AHI1: variants seen among roughly 807,000 people sequenced by gnomAD.
AHI1 encodes the protein Abelson helper integration site 1.
A neutral mutation model predicts 149.3 loss-of-function variants in AHI1; 123 were observed. The ratio of observed to expected loss-of-function variants is 0.82; its 90% CI spans 0.71 to 0.96. The LOEUF is 0.96. AHI1 is among the 40% of genes least tolerant of loss of function. The pLI, the probability that AHI1 is intolerant of heterozygous loss-of-function variation, is 0.00. For synonymous variants in AHI1, 475 were observed against 459.8 expected, an observed-to-expected ratio of 1.03 and a Z score of -0.42; for missense variants, 1,439 against 1,422.7, an observed-to-expected ratio of 1.01 and a Z score of -0.18.
At chr6:135,426,082 C>T (rs1444131580) in intron 20 of AHI1, among the ~76,000 whole-genome samples, 2 of 151,752 alleles carry the variant, frequency 1.3e-5, no homozygotes, top group African/African-American at 4.8e-5. Flanking sequence ...AAAGAGAGAA[C>T]TGTTTCAGGA....
intron 23 of AHI1, among the ~76,000 whole-genome samples, chr6:135,389,574 T>C (rs1778163698): frequency 6.6e-6 from 1 of 152,168 alleles, no homozygotes; most frequent in Non-Finnish European, 1.5e-5. Context: ...TATTCATAGT[T>C]TTAAAAAATC....
intron 27 of AHI1, among the ~76,000 whole-genome samples, chr6:135,295,062 G>T (rs1782915670): frequency 6.6e-6 from 1 of 152,118 alleles, no homozygotes; most frequent in Non-Finnish European, 1.5e-5. Context: ...ATATATAAAT[G>T]ACTCTTAAAA....
At chr6:135,318,371 T>C in intron 26 of AHI1, 148 bp downstream of exon 26, 1 of 643,894 alleles carries the variant, frequency 1.6e-6, no homozygotes. Context: ...AACGTTTGCC[T>C]TATGTATTTC....
chr6:135,392,683 AT>A (rs1778680179), intron 23 of AHI1, among the ~76,000 whole-genome samples: 1 of 152,226 alleles, frequency 6.6e-6, no homozygotes, highest in East Asian at 1.9e-4. Flanking sequence ...ACACTTAATT[AT>A]TTATCCACTT....
intron 23 of AHI1, among the ~76,000 whole-genome samples, chr6:135,382,811 G>A (rs1692814736): frequency 1.4e-5 from 2 of 144,582 alleles, no homozygotes; most frequent in Non-Finnish European, 1.5e-5. Context: ...TGATACAAGT[G>A]CTATTTCATT....
At position 135,287,218 on chromosome 6, in the gene AHI1, AGGT is replaced by A. The variant is rs140205030; in HGVS notation, c.3589-1574_3589-1572del. Among the ~76,000 whole-genome samples the A allele has an allele frequency of 4.6e-3, 695 of 152,334 alleles. 6 individuals carry two copies. The highest frequency in any genetic ancestry group is 0.016 in the African/African-American group (664 of 41,566). Reference sequence around the variant, plus strand: ...AGATGTAGGACAAGTGAAATCAATCAGGTGGTGACTGCACTGTGAGAAGTAAAC... The same window carrying A: ...AGATGTAGGACAAGTGAAATCAATCAGGTGACTGCACTGTGAGAAGTAAAC... On this transcript the variant is annotated intron_variant, in intron 28 of 28. Coordinates refer to ENST00000265602, the MANE Select transcript of AHI1 (RefSeq NM_001134831.2).
In AHI1 at chr6:135,455,810, T is replaced by C. The variant is rs1562214357; in HGVS notation, c.1268A>G (p.Gln423Arg). 3 of 1,601,942 alleles carry C rather than the reference T, an allele frequency of 1.9e-6. No homozygotes were observed. Among genetic ancestry groups the C allele is most frequent in the Non-Finnish European group, 2.6e-6 (3 of 1,173,214 alleles). Residue 423 changes from glutamine (Q) to arginine (R), a missense_variant, in exon 10 of 29, where the codon CAA becomes CGA. Gln to Arg is a conservative substitution (Grantham distance 43). Transcript: ENST00000265602. ...LKSRLPEWEE[Q>R]IVFNENFPYL... ...GGGAAAATTTTCATTAAATACAATTTGTTCTTCCCACTCTGGAAGTCTTGA... is the reference window on the plus strand; with the variant it reads ...GGGAAAATTTTCATTAAATACAATTCGTTCTTCCCACTCTGGAAGTCTTGA...
At chr6:135,397,603 T>C (rs1323617775) in intron 22 of AHI1, among the ~76,000 whole-genome samples, 1 of 152,036 alleles carries the variant, frequency 6.6e-6, no homozygotes, top group Non-Finnish European at 1.5e-5. Context: ...ACAAGCAAAA[T>C]ATGCAAATAC....
intron 27 of AHI1, among the ~76,000 whole-genome samples, chr6:135,294,234 G>A (rs1782766341): frequency 6.6e-6 from 1 of 152,128 alleles, no homozygotes; most frequent in Non-Finnish European, 1.5e-5. Context: ...GCTGAGGCAG[G>A]AGAATCACCT....
chr6:135,483,504 G>A lies in AHI1; in HGVS notation c.135+7119C>T, dbSNP rs537986892. ...AGAGAGGATAAAATCAAGATAATAC[G>A]GTATACACAATAAAAGTGAGGAAAT... On this transcript the variant is annotated intron_variant, in intron 5 of 28. Transcript: ENST00000265602. Among the ~76,000 whole-genome samples, 15 of 151,658 alleles carry A rather than the reference G, an allele frequency of 9.9e-5. No individual in the cohort carries two copies. The East Asian group carries it at 1.2e-3, about 12-fold the overall frequency.
intron 7 of AHI1, among the ~76,000 whole-genome samples, chr6:135,463,752 T>C (rs1236557092): frequency 6.6e-6 from 1 of 152,180 alleles, no homozygotes; most frequent in Non-Finnish European, 1.5e-5. Flanking sequence ...TTTCTCTTTT[T>C]TCTTTTCTTT....
At chr6:135,405,148 T>C (rs1780578860) in intron 21 of AHI1, among the ~76,000 whole-genome samples, 171 bp from the exon 22 acceptor site, 1 of 152,208 alleles carries the variant, frequency 6.6e-6, no homozygotes, top group Non-Finnish European at 1.5e-5. Context: ...AGAGACTTAA[T>C]GACATGTTCA....
intron 23 of AHI1, among the ~76,000 whole-genome samples, chr6:135,388,430 T>C (rs1777933789): frequency 6.6e-6 from 1 of 152,228 alleles, no homozygotes; most frequent in Admixed American, 6.5e-5. Context: ...AAAATGTTTT[T>C]TCTTTGAAAT....
chr6:135,427,374 G>T (rs1341997297), intron 19 of AHI1, 67 bp from the exon 20 acceptor site: 2 of 1,351,786 alleles, frequency 1.5e-6, no homozygotes, highest in East Asian at 2.5e-5. Context: ...CTTCTCACAA[G>T]ATTATTCTGC....
At chr6:135,495,927 G>A (rs1038350822) in intron 2 of AHI1, 29 bp from the exon 3 acceptor site, 1 of 151,964 alleles carries the variant, frequency 6.6e-6, no homozygotes, top group Non-Finnish European at 1.5e-5. Flanking sequence ...ATACCAAAAA[G>A]CAAAGTAATC....
In AHI1 at chr6:135,397,925, A is replaced by G. The variant is rs566398349; in HGVS notation, c.2989-3029T>C. 2.0e-5 allele frequency among the ~76,000 whole-genome samples: 3 copies of G among 152,248 alleles called. No individual in the cohort carries two copies. In the East Asian group the frequency reaches 5.8e-4, roughly 29 times the overall value. On this transcript the variant is annotated intron_variant, in intron 22 of 28. Coordinates refer to ENST00000265602, the MANE Select transcript of AHI1 (RefSeq NM_001134831.2). ...TGTTAATGCTGTCTGTATACTTAAA[A>G]GTTCACAAATTCATCTCTCTCCCAG...
At position 135,447,007 on chromosome 6, in the gene AHI1, C is replaced by T. The variant is rs753655744; in HGVS notation, c.1779+1G>A. On this transcript the variant is annotated splice_donor_variant, in intron 13 of 28. Transcript: ENST00000265602. LOFTEE classifies it high-confidence loss of function. ...AAATCCACTATTATCAAACACTTCA[C>T]CTGCCCAGGGAGTCGTTTCCACTTT... 6.2e-7 allele frequency: 1 copy of T among 1,607,376 alleles called. No homozygotes were observed. Among genetic ancestry groups the T allele is most frequent in the Non-Finnish European group, 8.5e-7 (1 of 1,177,212 alleles).
intron 24 of AHI1, among the ~76,000 whole-genome samples, chr6:135,332,792 A>C (rs761187929): frequency 6.6e-6 from 1 of 152,204 alleles, no homozygotes; most frequent in African/African-American, 2.4e-5. Flanking sequence ...CAAGGAAAGG[A>C]ACTTTAAAAA....
intron 8 of AHI1, among the ~76,000 whole-genome samples, chr6:135,462,508 T>TA (rs1172291724): frequency 6.6e-6 from 1 of 151,010 alleles, no homozygotes; most frequent in African/African-American, 2.5e-5. Flanking sequence ...CCTAACCATT[T>TA]AGAGGATGTA....
Sources: gnomAD v4.1 joint callset for allele counts (sites outside exome capture counted in the v4.1 genomes callset) on GRCh38, gnomAD v4.1.1 for gene constraint, MANE v1.5 for transcripts, NCBI Gene and HGNC (gene_info 2026-07-23, HGNC 2026-07-21) for gene names.